AGBL5: variants seen among roughly 807,000 people sequenced by gnomAD.
AGBL5 encodes the protein cytosolic carboxypeptidase-like protein 5.
A neutral mutation model predicts 88.0 loss-of-function variants in AGBL5; 51 were observed. That is an observed-to-expected ratio of 0.58 (90% CI 0.46 to 0.73). AGBL5 has a LOEUF of 0.73. Among genes scored for constraint, AGBL5 ranks in the 30% least tolerant of loss-of-function variants. AGBL5 has a pLI of 0.00. For missense variants in AGBL5, 1,031 were observed against 1,162.2 expected (o/e 0.89, Z 1.64); for synonymous variants, 446 against 438.8 (o/e 1.02, Z -0.21).
At chr2:27,051,272 T>C (rs1384507156), upstream of AGBL5, among the ~76,000 whole-genome samples, 1 of 152,174 alleles carries the variant, frequency 6.6e-6, no homozygotes, top group Admixed American at 6.5e-5. Context: ...GCGGGATCGA[T>C]GCCCGCATCC....
chr2:27,064,486 G>C (rs1048809609), intron 11 of AGBL5, among the ~76,000 whole-genome samples: 2 of 151,636 alleles, frequency 1.3e-5, no homozygotes, highest in Non-Finnish European at 2.9e-5. Flanking sequence ...TTTTTTAGTA[G>C]AGATGGGGTT....
chr2:27,056,108 C>T lies in AGBL5; in HGVS notation c.1335C>T (p.Tyr445=), dbSNP rs760778106. The part of the protein sequence containing the change: ...GHASKRGCFM[Y]GNSFSDESTQ... ...CTTCCAAAAGGGGCTGCTTCATGTA[C>T]GGAAACAGCTTTAGTGATGAGAGCA... The change falls in exon 7 of 15, where the codon TAC becomes TAT. Residue 445 remains tyrosine, a synonymous_variant. Transcript: ENST00000360131. 8 of 1,613,286 alleles carry T rather than the reference C, an allele frequency of 5.0e-6. No homozygotes were observed. Among genetic ancestry groups the T allele is most frequent in the African/African-American group, 4.0e-5 (3 of 74,868 alleles).
chr2:27,059,485 C>CT, intron 11 of AGBL5, 81 bp downstream of exon 11: 1 of 1,593,228 alleles, frequency 6.3e-7, no homozygotes, highest in Non-Finnish European at 8.6e-7. Context: ...TGAAGATATA[C>CT]TGTTGGCCCA....
intron 4 of AGBL5, 93 bp from the exon 5 acceptor site, chr2:27,054,537 G>T: frequency 2.4e-6 from 3 of 1,270,150 alleles, no homozygotes; most frequent in Non-Finnish European, 3.3e-6. Flanking sequence ...TAGGGTGAAG[G>T]ACCAGATTTT....
chr2:27,056,483 T>A (rs1329016902), intron 7 of AGBL5, 140 bp from the exon 8 acceptor site: 2 of 774,788 alleles, frequency 2.6e-6, no homozygotes, highest in Non-Finnish European at 2.0e-6. Flanking sequence ...AAACTGAGAA[T>A]TCAGGCAGCA....
At chr2:27,055,364 C>A in intron 6 of AGBL5, 111 bp downstream of exon 6, 1 of 1,375,176 alleles carries the variant, frequency 7.3e-7, no homozygotes, top group South Asian at 1.3e-5. Context: ...CTCTTGCACC[C>A]TAATAAAGGC....
At position 27,056,774 on chromosome 2, in the gene AGBL5, C is replaced by T; in HGVS notation, c.1517C>T (p.Ala506Val). 1.2e-6 allele frequency: 2 copies of T among 1,608,894 alleles called. No individual in the cohort carries two copies. Among genetic ancestry groups the T allele is most frequent in the Non-Finnish European group, 1.7e-6 (2 of 1,176,920 alleles). ...EGSGRVAIYK[A>V]SGIIHSYTLE... ...AGCGGCCGTGTTGCAATCTACAAAG[C>T]CTCAGGGATAATCCACAGGTTGGGT... The change falls in exon 8 of 15, where the codon GCC (alanine) becomes GTC (valine). Residue 506 changes from alanine to valine, a missense_variant. Around this residue, in one of 2 missense-constraint regions of AGBL5, gnomAD observed 540 missense variants for 678.2 expected, o/e 0.80. Transcript: ENST00000360131.
chr2:27,068,951 T>C (rs1669132716), intron 13 of AGBL5: 5 of 1,496,416 alleles, frequency 3.3e-6, no homozygotes, highest in Non-Finnish European at 3.6e-6. Context: ...ATTTGCTTGC[T>C]TTCAACCTGT....
intron 14 of AGBL5, 57 bp downstream of exon 14, chr2:27,069,763 A>C (rs867046472): frequency 1.3e-6 from 2 of 1,556,482 alleles, no homozygotes; most frequent in Middle Eastern, 1.8e-4. Flanking sequence ...CCTCATTCCC[A>C]TTTCTGTCAT....
At position 27,058,564 on chromosome 2, in the gene AGBL5, C is replaced by T. The variant is rs778999758; in HGVS notation, c.1836C>T (p.Asn612=). The change falls in exon 10 of 15, where the codon AAC becomes AAT. Residue 612 remains asparagine, a synonymous_variant. Transcript: ENST00000360131. ...GCAGCACTCTGAATGTGGGTGTCAACAAGAAGAGGGGCCTTCGAACTCCAC... is the reference window on the plus strand; with the variant it reads ...GCAGCACTCTGAATGTGGGTGTCAATAAGAAGAGGGGCCTTCGAACTCCAC... ...GLSSTLNVGV[N]KKRGLRTPPK... The T allele has an allele frequency of 6.2e-7, 1 of 1,614,108 alleles. No homozygotes were observed. The highest frequency in any genetic ancestry group is 1.7e-5 in the Admixed American group (1 of 60,014).
rs553987163 is a variant in AGBL5, at chr2:27,058,262, G to T, written c.1672-138G>T. On this transcript the variant is annotated intron_variant, in intron 9 of 14. Coordinates refer to ENST00000360131, the MANE Select transcript of AGBL5 (RefSeq NM_021831.6). ...AAATCCGTTTGCAATAAACAGCCTGGGCACAAAGGTTAGGGCATCCAATGA... is the reference window on the plus strand; with the variant it reads ...AAATCCGTTTGCAATAAACAGCCTGTGCACAAAGGTTAGGGCATCCAATGA... 23 of 956,542 alleles carry T rather than the reference G, an allele frequency of 2.4e-5. No individual in the cohort carries two copies. The Admixed American group carries it at 4.8e-4, about 20-fold the overall frequency. 59.3% of individuals were successfully genotyped at this position (956,542 alleles called of 1,614,324 possible).
At chr2:27,068,898 TC>T in intron 13 of AGBL5, 154 bp downstream of exon 13, 1 of 1,494,912 alleles carries the variant, frequency 6.7e-7, no homozygotes, top group Non-Finnish European at 8.9e-7. Context: ...TGCCTGTCTG[TC>T]CAGTCCCCTT....
chr2:27,050,705 G>A (rs933744013), upstream of AGBL5, among the ~76,000 whole-genome samples: 15 of 152,224 alleles, frequency 9.9e-5, no homozygotes, highest in Admixed American at 8.5e-4. Context: ...CCTTCAGCTG[G>A]AGAAAGCGGG....
At chr2:27,063,933 A>T (rs1407723703) in intron 11 of AGBL5, among the ~76,000 whole-genome samples, 1 of 152,238 alleles carries the variant, frequency 6.6e-6, no homozygotes, top group Non-Finnish European at 1.5e-5. Context: ...AGAGCTGATC[A>T]CATCACTCTT....
At chr2:27,057,747 T>G (rs1375144861) in intron 9 of AGBL5, among the ~76,000 whole-genome samples, 1 of 152,218 alleles carries the variant, frequency 6.6e-6, no homozygotes, top group African/African-American at 2.4e-5. Flanking sequence ...AAAAGCACCC[T>G]GACTGTAGTG....
upstream of AGBL5, chr2:27,050,936 T>A (rs1668074916): frequency 6.6e-6 from 1 of 152,242 alleles, no homozygotes; most frequent in Non-Finnish European, 1.5e-5. Context: ...CTTGGAGGCC[T>A]CCTGTGACTT....
chr2:27,068,789 G>C (rs763825205), intron 13 of AGBL5, 45 bp downstream of exon 13: 3 of 1,608,326 alleles, frequency 1.9e-6, no homozygotes, highest in Non-Finnish European at 2.5e-6. Context: ...GCAGAACCCA[G>C]CAAGGCACTG....
At position 27,052,931 on chromosome 2, in the gene AGBL5, G is replaced by T; in HGVS notation, c.-28G>T. 1 of 1,566,536 alleles carries T rather than the reference G, an allele frequency of 6.4e-7. No homozygotes were observed. The highest frequency in any genetic ancestry group is 8.7e-7 in the Non-Finnish European group (1 of 1,149,596). On this transcript the variant is annotated 5_prime_UTR_variant, in exon 2 of 15. Coordinates refer to ENST00000360131, the MANE Select transcript of AGBL5 (RefSeq NM_021831.6). ...CCCCCAGCTCTCAGGGCCAGAGCGG[G>T]GCAGGAGGATGCTTTCCCAGCCCCA...
chr2:27,055,054 C>T, intron 5 of AGBL5, 21 bp from the exon 6 acceptor site: 1 of 1,610,358 alleles, frequency 6.2e-7, no homozygotes, highest in Non-Finnish European at 8.5e-7. Context: ...GACTTAATGT[C>T]TGCTCTCCTC....
Sources: gnomAD v4.1 joint callset for allele counts (sites outside exome capture counted in the v4.1 genomes callset) on GRCh38, gnomAD v4.1.1 for gene constraint, gnomAD v4.1.1 regional missense constraint, MANE v1.5 for transcripts, NCBI Gene and HGNC (gene_info 2026-07-23, HGNC 2026-07-21) for gene names.